PHACTR2: variants seen among roughly 807,000 people sequenced by gnomAD.
The protein encoded by PHACTR2 is phosphatase and actin regulator 2, also known as chromosome 6 open reading frame 56.
Under a neutral mutation model 76.0 loss-of-function variants are expected in PHACTR2, and 30 were observed. The observed-to-expected ratio is 0.39, with a 90% CI of 0.30 to 0.54. PHACTR2 has a LOEUF of 0.54. PHACTR2 is among the 20% of genes least tolerant of loss of function. PHACTR2 has a pLI of 0.61. For missense variants in PHACTR2, 696 were observed against 781.1 expected (o/e 0.89, Z 1.30); for synonymous variants, 292 against 292.5 (o/e 1.00, Z 0.02).
At position 143,550,138 on chromosome 6, in the gene PHACTR2, T is replaced by G. The variant is rs936077326; in HGVS notation, c.217+12931T>G. 6.6e-6 allele frequency among the ~76,000 whole-genome samples: 1 copy of G among 152,060 alleles called. No homozygotes were observed. Among genetic ancestry groups the G allele is most frequent in the African/African-American group, 2.4e-5 (1 of 41,422 alleles). ...ATATGAGTAGATGACAGAGTCGTAT[T>G]ATCTAATGTAGCATTTCTCATATCT... On this transcript the variant is annotated intron_variant, in intron 1 of 11. Transcript: ENST00000367584. The surrounding 1 kb of genome is among the most constrained non-coding windows in gnomAD (Gnocchi z 4.8).
At chr6:143,736,132 G>C (rs75085009) in intron 2 of PHACTR2, among the ~76,000 whole-genome samples, 1 of 152,242 alleles carries the variant, frequency 6.6e-6, no homozygotes, top group East Asian at 1.9e-4. Context: ...GGGTACAAGC[G>C]ATCCTCCTGC....
At chr6:143,692,340 G>A (rs927732733) in intron 1 of PHACTR2, among the ~76,000 whole-genome samples, 1 of 152,290 alleles carries the variant, frequency 6.6e-6, no homozygotes, top group South Asian at 2.1e-4. Flanking sequence ...TTATGAAAGA[G>A]CCGGGTGAGA....
At position 143,757,938 on chromosome 6, in the gene PHACTR2, CGTGTGT is replaced by C. The variant is rs1779339154; in HGVS notation, c.455-2459_455-2454del. ...CTATTTGCATACTCATATGTCCCTG[CGTGTGT>C]GTGCATGCACACGTGCGCGCACACA... On this transcript the variant is annotated intron_variant, in intron 4 of 12. Coordinates refer to ENST00000440869, the MANE Select transcript of PHACTR2 (RefSeq NM_001100164.2). This position sits in a 1 kb window ranked among gnomAD's most constrained non-coding sequence, Gnocchi z 4.2. Among the ~76,000 whole-genome samples the C allele has an allele frequency of 6.9e-6, 1 of 144,618 alleles. No individual in the cohort carries two copies. The highest frequency in any genetic ancestry group is 7.1e-5 in the Admixed American group (1 of 14,172). The allele number at this position is 144,618 out of a possible 152,430, so 94.9% of individuals were successfully genotyped here. A position where few individuals can be genotyped will look rare whatever the true frequency, so the allele number is the denominator to read the frequency against.
At chr6:143,713,447 T>A (rs1778228835) in intron 2 of PHACTR2, among the ~76,000 whole-genome samples, 1 of 152,112 alleles carries the variant, frequency 6.6e-6, no homozygotes. Flanking sequence ...GGAAAATTTC[T>A]GTAATAAAAA....
rs1775250675 is a variant in PHACTR2 at position 143,775,455 on chromosome 6, G to A, written c.1589+1240G>A. ...TGGTATCGAGCTGGAAAAACCTACA[G>A]TTCTAAACTTGCCATCTTACCAAGG... is the stretch of plus-strand genomic sequence containing the variant. On this transcript the variant is annotated intron_variant, in intron 8 of 12. Coordinates refer to ENST00000440869, the MANE Select transcript of PHACTR2 (RefSeq NM_001100164.2). This position sits in a 1 kb window ranked among gnomAD's most constrained non-coding sequence, Gnocchi z 4.4. 6.6e-6 allele frequency among the ~76,000 whole-genome samples: 1 copy of A among 152,124 alleles called. No homozygotes were observed.
intron 11 of PHACTR2, among the ~76,000 whole-genome samples, chr6:143,805,085 C>T (rs1776035129): frequency 6.6e-6 from 1 of 152,130 alleles, no homozygotes; most frequent in Non-Finnish European, 1.5e-5. Context: ...CTTCTGACTC[C>T]CAGTGGACCG....
At chr6:143,559,650 T>A (rs12202625) in intron 1 of PHACTR2, among the ~76,000 whole-genome samples, 1 of 149,088 alleles carries the variant, frequency 6.7e-6, no homozygotes, top group Non-Finnish European at 1.5e-5. Flanking sequence ...TATTTTCTAA[T>A]ACTAGAAATA....
In PHACTR2 at chr6:143,585,089, AGTT is replaced by A. The variant is rs1222315643; in HGVS notation, c.217+47887_217+47889del. Among the ~76,000 whole-genome samples the A allele has an allele frequency of 1.3e-5, 2 of 151,514 alleles. No individual in the cohort carries two copies. Among genetic ancestry groups the A allele is most frequent in the Non-Finnish European group, 2.9e-5 (2 of 67,954 alleles). ...ATGACTATTTAAGCAGCAATTATGGAGTTGTTGACGGGCAGGACCAAGGCCTGG... is the reference window on the plus strand; with the variant it reads ...ATGACTATTTAAGCAGCAATTATGGAGTTGACGGGCAGGACCAAGGCCTGG... On this transcript the variant is annotated intron_variant, in intron 1 of 11. Coordinates refer to the PHACTR2 transcript ENST00000367584. This position sits in a 1 kb window ranked among gnomAD's most constrained non-coding sequence, Gnocchi z 5.2.
Position 143,662,718 on chromosome 6 carries a change from T to C in PHACTR2, c.14-49298T>C, listed in dbSNP as rs1776965537. ...TTGAATTGTGAATTGTCTTCACCTA[T>C]ATTACAATTAGTTTTTTCTTTTTTT... On this transcript the variant is annotated intron_variant, in intron 1 of 11. Transcript: ENST00000305766. The surrounding 1 kb of genome is among the most constrained non-coding windows in gnomAD (Gnocchi z 4.7). Among the ~76,000 whole-genome samples the C allele has an allele frequency of 6.6e-6, 1 of 152,226 alleles. No homozygotes were observed. The highest frequency in any genetic ancestry group is 2.4e-5 in the African/African-American group (1 of 41,466).
intron 1 of PHACTR2, among the ~76,000 whole-genome samples, chr6:143,577,397 G>T (rs1368509338): frequency 6.6e-6 from 1 of 152,152 alleles, no homozygotes; most frequent in Non-Finnish European, 1.5e-5. Flanking sequence ...ATGAGAGAAG[G>T]ACCCTAGCAG....
rs2128427193 is a variant in PHACTR2 at position 143,549,319 on chromosome 6, A to G, written c.217+12112A>G. On this transcript the variant is annotated intron_variant, in intron 1 of 11. Transcript: ENST00000367584. This position sits in a 1 kb window ranked among gnomAD's most constrained non-coding sequence, Gnocchi z 4.2. ...TTGCTTTCTGGGGATTACGTCCCCA[A>G]GGGTGACCCTGGATTCAGAGGCCTG... Among the ~76,000 whole-genome samples the G allele has an allele frequency of 6.6e-6, 1 of 152,190 alleles. No homozygotes were observed. The highest frequency in any genetic ancestry group is 1.5e-5 in the Non-Finnish European group (1 of 67,962).
intron 1 of PHACTR2, among the ~76,000 whole-genome samples, chr6:143,587,017 G>A (rs1775637956): frequency 6.6e-6 from 1 of 152,110 alleles, no homozygotes; most frequent in Non-Finnish European, 1.5e-5. Flanking sequence ...TGTGTCGAAA[G>A]CCTGTTAGCT....
intron 12 of PHACTR2, among the ~76,000 whole-genome samples, chr6:143,808,538 G>A (rs1776111192): frequency 6.6e-6 from 1 of 152,016 alleles, no homozygotes; most frequent in Non-Finnish European, 1.5e-5. Context: ...CATTGTATTA[G>A]GTAGTATAAG....
In PHACTR2 at chr6:143,791,528, C is replaced by T. The variant is rs1455782174; in HGVS notation, c.1845+2618C>T. On this transcript the variant is annotated intron_variant, in intron 11 of 12. Transcript: ENST00000440869. This position sits in a 1 kb window ranked among gnomAD's most constrained non-coding sequence, Gnocchi z 4.7. ...ATTTTTAGTAATTATAAATATCTCA[C>T]ATGTCCTTGAAAACAATATGTGTTC... is the stretch of plus-strand genomic sequence containing the variant. 2.0e-5 allele frequency among the ~76,000 whole-genome samples: 3 copies of T among 152,290 alleles called. No individual in the cohort carries two copies. The East Asian group carries it at 5.8e-4, about 29-fold the overall frequency.
At chr6:143,643,570 T>C (rs1380283266) in intron 1 of PHACTR2, among the ~76,000 whole-genome samples, 2 of 152,178 alleles carry the variant, frequency 1.3e-5, no homozygotes, top group Non-Finnish European at 1.5e-5. Flanking sequence ...GGAAGGAAAA[T>C]GTACCTTCAG....
rs1341017864 is a variant in PHACTR2 at position 143,608,643 on chromosome 6, C to A, written c.13+321C>A. On this transcript the variant is annotated intron_variant, in intron 1 of 11. Transcript: ENST00000305766. The surrounding 1 kb of genome is among the most constrained non-coding windows in gnomAD (Gnocchi z 4.6). ...AAAATGCATACAGTTAGTGAAAAAACTATTACTAAGGGATGGCACAAGGTA... is the reference window on the plus strand; with the variant it reads ...AAAATGCATACAGTTAGTGAAAAAAATATTACTAAGGGATGGCACAAGGTA... Among the ~76,000 whole-genome samples, 1 of 152,168 alleles carries A rather than the reference C, an allele frequency of 6.6e-6. No individual in the cohort carries two copies. Among genetic ancestry groups the A allele is most frequent in the African/African-American group, 2.4e-5 (1 of 41,440 alleles).
chr6:143,688,967 C>T lies in PHACTR2; in HGVS notation c.46+10758C>T, dbSNP rs998213844. Among the ~76,000 whole-genome samples, 3 of 152,210 alleles carry T rather than the reference C, an allele frequency of 2.0e-5. No homozygotes were observed. Among genetic ancestry groups the T allele is most frequent in the African/African-American group, 4.8e-5 (2 of 41,456 alleles). On this transcript the variant is annotated intron_variant, in intron 1 of 12. Transcript: ENST00000440869. This position sits in a 1 kb window ranked among gnomAD's most constrained non-coding sequence, Gnocchi z 5.2. ...GAGGCTCTACATGAGCCTATATGATCCCTGCCCACCTCTCTGACCTCATCT... is the reference window on the plus strand; with the variant it reads ...GAGGCTCTACATGAGCCTATATGATTCCTGCCCACCTCTCTGACCTCATCT...
chr6:143,578,789 G>T lies in PHACTR2; in HGVS notation c.217+41582G>T, dbSNP rs1775542810. Among the ~76,000 whole-genome samples the T allele has an allele frequency of 6.6e-6, 1 of 152,102 alleles. No individual in the cohort carries two copies. Among genetic ancestry groups the T allele is most frequent in the African/African-American group, 2.4e-5 (1 of 41,402 alleles). On this transcript the variant is annotated intron_variant, in intron 1 of 11. Coordinates refer to the PHACTR2 transcript ENST00000367584. This position sits in a 1 kb window ranked among gnomAD's most constrained non-coding sequence, Gnocchi z 4.5. ...AAGAAAGGAGTCAGAAGTGAAAGCA[G>T]CTCAAAGATGAGGGAGAAGACGATG...
rs1775399655 is a variant in PHACTR2, at chr6:143,780,426, A to T, written c.1646-2793A>T. On this transcript the variant is annotated intron_variant, in intron 9 of 12. Coordinates refer to ENST00000440869, the MANE Select transcript of PHACTR2 (RefSeq NM_001100164.2). This position sits in a 1 kb window ranked among gnomAD's most constrained non-coding sequence, Gnocchi z 4.4. ...CAGGAGTTTGAGACCAGCCTGGGCA[A>T]TATAGTGAGATCTCATCTCCACCAA... Among the ~76,000 whole-genome samples the T allele has an allele frequency of 6.6e-6, 1 of 152,196 alleles. No homozygotes were observed.
Sources: gnomAD v4.1 joint callset for allele counts (sites outside exome capture counted in the v4.1 genomes callset) on GRCh38, gnomAD v4.1.1 for gene constraint, Gnocchi (gnomAD v3.1) non-coding constraint, MANE v1.5 for transcripts, NCBI Gene and HGNC (gene_info 2026-07-23, HGNC 2026-07-21) for gene names.